MBD5: variants seen among roughly 807,000 people sequenced by gnomAD.
MBD5 encodes methyl-CpG-binding domain protein 5.
Under a neutral mutation model 117.3 loss-of-function variants are expected in MBD5, and 13 were observed. That is an observed-to-expected ratio of 0.11 (90% CI 0.07 to 0.18). The LOEUF (loss-of-function observed/expected upper bound fraction) is 0.18, where lower values mean the gene tolerates loss of function less well. Among genes scored for constraint, MBD5 ranks in the 10% least tolerant of loss-of-function variants. The pLI, the probability that MBD5 is intolerant of heterozygous loss-of-function variation, is 1.00. For missense variants in MBD5, 1,879 were observed against 2,093.8 expected (o/e 0.90, Z 2.00); for synonymous variants, 727 against 766.4 (o/e 0.95, Z 0.85).
chr2:148,046,025 C>T (rs1207517989), intron 1 of MBD5, among the ~76,000 whole-genome samples: 3 of 125,040 alleles, frequency 2.4e-5, no homozygotes, highest in African/African-American at 9.3e-5. Context: ...CGCGGTGTTG[C>T]CAGGCTGGAG....
chr2:148,032,466 A>G (rs1224330019), intron 1 of MBD5, among the ~76,000 whole-genome samples: 1 of 152,124 alleles, frequency 6.6e-6, no homozygotes, highest in Non-Finnish European at 1.5e-5. Flanking sequence ...AAGATGAAGA[A>G]AAGAGTTTTC....
chr2:148,355,061 A>G (rs1192949839), intron 4 of MBD5, among the ~76,000 whole-genome samples: 1 of 152,086 alleles, frequency 6.6e-6, no homozygotes, highest in Non-Finnish European at 1.5e-5. Context: ...TTGGCCATAT[A>G]AATGTCTTCT....
At chr2:148,292,286 G>A (rs2106432466) in intron 3 of MBD5, among the ~76,000 whole-genome samples, 1 of 152,302 alleles carries the variant, frequency 6.6e-6, no homozygotes, top group South Asian at 2.1e-4. Flanking sequence ...ACAACAAACA[G>A]AATGGGAGAA....
rs1437403603 is a variant in MBD5 at position 148,483,870 on chromosome 2, C to T, written c.3279C>T (p.Val1093=). 2.6e-6 allele frequency: 4 copies of T among 1,550,588 alleles called. No homozygotes were observed. The highest frequency in any genetic ancestry group is 2.6e-6 in the Non-Finnish European group (3 of 1,146,978). ...MTLNPQLLGG[V]LNSASANTAN... is the part of the protein sequence containing the mutation. ...TGAATCCCCAGCTGTTGGGAGGTGT[C>T]CTGAACTCGGCATCGGCCAACACCG... The change falls in exon 9 of 14, where the codon GTC becomes GTT. Residue 1093 remains valine (V), a synonymous_variant. Transcript: ENST00000642680.
intron 8 of MBD5, among the ~76,000 whole-genome samples, chr2:148,480,067 A>T (rs975881884): frequency 6.6e-6 from 1 of 151,906 alleles, no homozygotes; most frequent in Non-Finnish European, 1.5e-5. Context: ...TTTTATTTTC[A>T]TGGTTCTATT....
intron 4 of MBD5, among the ~76,000 whole-genome samples, chr2:148,370,036 A>G (rs1317562376): frequency 6.6e-6 from 1 of 152,090 alleles, no homozygotes; most frequent in African/African-American, 2.4e-5. Context: ...ATCCAGGAAC[A>G]TTTTTCTTCC....
chr2:148,263,161 G>T (rs1700771846), intron 3 of MBD5, among the ~76,000 whole-genome samples: 2 of 152,254 alleles, frequency 1.3e-5, no homozygotes, highest in Non-Finnish European at 1.5e-5. Context: ...TGACCATAGG[G>T]TGCTCATATG....
intron 1 of MBD5, among the ~76,000 whole-genome samples, chr2:148,037,939 A>G (rs1054079062): frequency 2.0e-5 from 3 of 151,964 alleles, no homozygotes; most frequent in Non-Finnish European, 2.9e-5. Flanking sequence ...CTTTTCAGCT[A>G]TTTAGAGAAT....
chr2:148,057,272 C>A (rs1694892777), intron 1 of MBD5, among the ~76,000 whole-genome samples: 1 of 151,678 alleles, frequency 6.6e-6, no homozygotes, highest in Admixed American at 6.6e-5. Context: ...ATGTATTCTG[C>A]TGACTTTTAA....
At chr2:148,146,840 T>A (rs1381171112) in intron 1 of MBD5, among the ~76,000 whole-genome samples, 8 of 152,194 alleles carry the variant, frequency 5.3e-5, no homozygotes, top group Admixed American at 5.2e-4. Context: ...CATTAGTTCA[T>A]TGTCACCAAG....
intron 1 of MBD5, among the ~76,000 whole-genome samples, chr2:148,176,165 T>C (rs892299261): frequency 5.9e-5 from 9 of 152,158 alleles, no homozygotes; most frequent in Non-Finnish European, 1.2e-4. Flanking sequence ...AAGAATACTT[T>C]ATTAAGAGTA....
chr2:148,409,232 A>G (rs780097011), intron 4 of MBD5, among the ~76,000 whole-genome samples: 5 of 152,012 alleles, frequency 3.3e-5, no homozygotes, highest in Non-Finnish European at 5.9e-5. Context: ...AAAAAAATAA[A>G]CAAAAATTAG....
intron 2 of MBD5, among the ~76,000 whole-genome samples, chr2:148,201,877 A>G (rs1326496882): frequency 1.3e-5 from 2 of 152,192 alleles, no homozygotes; most frequent in African/African-American, 4.8e-5. Flanking sequence ...CTCAAGGGGC[A>G]CAACAGTGTA....
intron 4 of MBD5, among the ~76,000 whole-genome samples, chr2:148,418,365 C>G (rs931553089): frequency 1.3e-5 from 2 of 151,234 alleles, no homozygotes; most frequent in Admixed American, 1.3e-4. Flanking sequence ...AAATTTTTTG[C>G]CAGAGAAATC....
chr2:148,436,385 T>G (rs534555953), intron 4 of MBD5, among the ~76,000 whole-genome samples: 10 of 152,288 alleles, frequency 6.6e-5, no homozygotes, highest in African/African-American at 2.2e-4. Flanking sequence ...TGTTTGGTTT[T>G]GTTTTTTGAC....
chr2:148,053,711 T>C (rs1558905045), intron 1 of MBD5, among the ~76,000 whole-genome samples: 1 of 152,098 alleles, frequency 6.6e-6, no homozygotes, highest in Non-Finnish European at 1.5e-5. Context: ...GGTGTTGGTG[T>C]GTGTACTTAT....
At chr2:148,296,863 AATTTTTTT>A (rs1480227533) in intron 3 of MBD5, among the ~76,000 whole-genome samples, 3 of 37,714 alleles carry the variant, frequency 8.0e-5, no homozygotes, top group Non-Finnish European at 1.6e-4. Flanking sequence ...TTAGTTCTTC[AATTTTTTT>A]TTTTTTTTTT....
In MBD5 at chr2:148,237,680, CAG is replaced by C. The variant is rs542955816; in HGVS notation, c.-680+4288_-680+4289del. On this transcript the variant is annotated intron_variant, in intron 3 of 13. Transcript: ENST00000642680. ...TTGTGACAGTTATCAAAATGTGACT[CAG>C]AGTCATGAAGTGAGCACATGCTGTG... Among the ~76,000 whole-genome samples, 33 of 152,268 alleles carry C rather than the reference CAG, an allele frequency of 2.2e-4. No homozygotes were observed. The South Asian group carries it at 6.9e-3, about 32-fold the overall frequency.
chr2:148,160,175 A>G (rs1052305588), intron 1 of MBD5, among the ~76,000 whole-genome samples: 3 of 152,100 alleles, frequency 2.0e-5, no homozygotes, highest in Non-Finnish European at 4.4e-5. Flanking sequence ...CGAGGCGGGC[A>G]GATCACAAGG....
Sources: allele counts gnomAD v4.1 joint callset (sites outside exome capture counted in the v4.1 genomes callset), GRCh38; gene constraint gnomAD v4.1.1; transcripts MANE v1.5; gene names NCBI Gene and HGNC (gene_info 2026-07-23, HGNC 2026-07-21).